The following UXS1 variants were observed in gnomAD, a reference collection of about 807,000 sequenced individuals.
UXS1 encodes UDP-glucuronic acid decarboxylase 1.
Under a neutral mutation model 62.6 loss-of-function variants are expected in UXS1, and 33 were observed. That is an observed-to-expected ratio of 0.53 (90% confidence interval 0.40 to 0.70). UXS1 has a LOEUF of 0.70. Ranked by LOEUF, UXS1 falls within the 30% of genes least tolerant of loss-of-function variation. The probability of loss-of-function intolerance (pLI) is 0.00; values close to 1 mark genes in which losing one functional copy is unlikely to be tolerated. For synonymous variants in UXS1, 213 were observed against 206.8 expected (o/e 1.03, Z -0.26); for missense variants, 434 against 556.3 (o/e 0.78, Z 2.21).
At chr2:106,099,149 C>T (rs1677376835) in intron 12 of UXS1, among the ~76,000 whole-genome samples, 2 of 152,154 alleles carry the variant, frequency 1.3e-5, no homozygotes, top group South Asian at 4.1e-4. Flanking sequence ...TATCTATTCC[C>T]GTCTGGGTGA....
At chr2:106,140,337 T>C (rs1680999840) in intron 6 of UXS1, among the ~76,000 whole-genome samples, 1 of 152,302 alleles carries the variant, frequency 6.6e-6, no homozygotes, top group South Asian at 2.1e-4. Context: ...CAGAGGGCGA[T>C]CTCTAAGAGC....
intron 14 of UXS1, among the ~76,000 whole-genome samples, chr2:106,096,222 G>C (rs1166993149): frequency 1.3e-5 from 2 of 152,148 alleles, no homozygotes; most frequent in African/African-American, 2.4e-5. Flanking sequence ...GTGGGAGAGG[G>C]AGTGTATGTG....
At chr2:106,150,961 A>G (rs2105015724) in intron 5 of UXS1, among the ~76,000 whole-genome samples, 1 of 152,266 alleles carries the variant, frequency 6.6e-6, no homozygotes, top group Non-Finnish European at 1.5e-5. Flanking sequence ...GAGCATTACG[A>G]TTTGATCTTG....
At chr2:106,194,032 C>G (rs1476859459) in intron 1 of UXS1, 116 bp downstream of exon 1, 3 of 695,440 alleles carry the variant, frequency 4.3e-6, no homozygotes, top group African/African-American at 3.8e-5. Flanking sequence ...CCGCCCGGGG[C>G]GGGGAGCAAC....
In UXS1 at chr2:106,129,745, G is replaced by T. The variant is rs1375397322; in HGVS notation, c.506C>A (p.Ser169Tyr). 6.2e-7 allele frequency: 1 copy of T among 1,611,352 alleles called. No individual in the cohort carries two copies. The highest frequency in any genetic ancestry group is 8.5e-7 in the Non-Finnish European group (1 of 1,178,660). The part of the protein sequence containing the change: ...DQIYHLASPA[S>Y]PPNYMYNPIK... The stretch of plus-strand genomic sequence containing the variant: ...AGGATTATACATGTAGTTTGGAGGG[G>T]AGGCTGGAGATGCCAGATGGTATAT... The change falls in exon 7 of 15, where the codon TCC becomes TAC. Residue 169 changes from serine to tyrosine, a missense_variant. By Grantham distance (144) the Ser-to-Tyr change is moderately radical. Transcript: ENST00000283148.
intron 1 of UXS1, among the ~76,000 whole-genome samples, chr2:106,179,770 T>C (rs116161839): frequency 0.051 from 7,836 of 152,272 alleles, 311 homozygotes; most frequent in Non-Finnish European, 0.076. Flanking sequence ...TACCAATGAG[T>C]TCTGTGCAAC....
intron 5 of UXS1, among the ~76,000 whole-genome samples, chr2:106,151,256 G>C (rs746433732): frequency 5.9e-5 from 9 of 152,168 alleles, no homozygotes; most frequent in Non-Finnish European, 1.2e-4. Context: ...AATACATTTT[G>C]CATGTAAGAA....
At chr2:106,144,144 C>T (rs1483423850) in intron 6 of UXS1, among the ~76,000 whole-genome samples, 1 of 152,210 alleles carries the variant, frequency 6.6e-6, no homozygotes, top group Non-Finnish European at 1.5e-5. Context: ...GTTAACCCCA[C>T]AGCAATCCCA....
chr2:106,167,977 C>T (rs939611611), intron 1 of UXS1, among the ~76,000 whole-genome samples: 1 of 152,258 alleles, frequency 6.6e-6, no homozygotes, highest in East Asian at 1.9e-4. Flanking sequence ...GCCTAACCAA[C>T]ATGGTGAAAC....
intron 1 of UXS1, chr2:106,183,484 CTTAT>C (rs1168379976): frequency 3.9e-5 from 6 of 152,196 alleles, no homozygotes; most frequent in African/African-American, 1.4e-4. Context: ...CTTTACTTCA[CTTAT>C]TTATTTTGGT....
chr2:106,105,729 C>A (rs1248564906), intron 10 of UXS1, among the ~76,000 whole-genome samples: 9 of 152,228 alleles, frequency 5.9e-5, no homozygotes. Context: ...TGCGGAGCGC[C>A]ACGGATCACG....
chr2:106,115,906 G>A (rs1037717655), intron 9 of UXS1, among the ~76,000 whole-genome samples: 5 of 152,226 alleles, frequency 3.3e-5, no homozygotes, highest in Non-Finnish European at 7.3e-5. Flanking sequence ...CAGTGACCAC[G>A]TGTGGAATAG....
chr2:106,119,234 T>C (rs557426290), intron 9 of UXS1, among the ~76,000 whole-genome samples: 17 of 152,294 alleles, frequency 1.1e-4, no homozygotes, highest in African/African-American at 4.1e-4. Flanking sequence ...CTTGGCGCCT[T>C]TGGACTTGGA....
intron 9 of UXS1, among the ~76,000 whole-genome samples, chr2:106,117,181 G>C (rs573083300): frequency 7.2e-4 from 110 of 152,344 alleles, no homozygotes; most frequent in African/African-American, 2.5e-3. Context: ...CCCTGTGAGA[G>C]GTTGGCATAC....
Position 106,163,654 on chromosome 2 carries a change from A to AAAGTACACAT in UXS1, c.230+3_230+12dup. The AAAGTACACAT allele has an allele frequency of 6.8e-7, 1 of 1,463,974 alleles. No homozygotes were observed. The highest frequency in any genetic ancestry group is 9.1e-7 in the Non-Finnish European group (1 of 1,100,818). 90.7% of individuals were successfully genotyped at this position (1,463,974 alleles called of 1,614,324 possible). On this transcript the variant is annotated intron_variant, in intron 4 of 14. Coordinates refer to ENST00000283148, the MANE Select transcript of UXS1 (RefSeq NM_001253875.2). ...ATTTTAACTATTGACTTTAAGACAAAAAGTACACATACCTTTTTTCTAAAT... is the reference window on the plus strand; with the variant it reads ...ATTTTAACTATTGACTTTAAGACAAAAAGTACACATAAGTACACATACCTTTTTTCTAAAT...
intron 5 of UXS1, among the ~76,000 whole-genome samples, chr2:106,145,806 GA>G (rs895788876): frequency 1.5e-4 from 22 of 151,104 alleles, no homozygotes; most frequent in African/African-American, 5.1e-4. Flanking sequence ...GAACTACCAA[GA>G]AAAAAAAACT....
intron 1 of UXS1, among the ~76,000 whole-genome samples, chr2:106,179,184 C>T (rs543741682): frequency 8.2e-4 from 125 of 152,272 alleles, no homozygotes; most frequent in African/African-American, 2.1e-3. Flanking sequence ...AGGCTCCCTG[C>T]TCATGTTCCT....
At chr2:106,182,208 T>A (rs1684289352) in intron 1 of UXS1, among the ~76,000 whole-genome samples, 1 of 152,162 alleles carries the variant, frequency 6.6e-6, no homozygotes, top group Non-Finnish European at 1.5e-5. Flanking sequence ...AAAATAATTG[T>A]CTTGGGCCAC....
chr2:106,168,942 A>G (rs1683373789), intron 1 of UXS1, among the ~76,000 whole-genome samples: 1 of 152,252 alleles, frequency 6.6e-6, no homozygotes, highest in Non-Finnish European at 1.5e-5. Flanking sequence ...TGACATGAGT[A>G]ACTGTTTAAT....
Sources: allele counts gnomAD v4.1 joint callset (sites outside exome capture counted in the v4.1 genomes callset), GRCh38; gene constraint gnomAD v4.1.1; transcripts MANE v1.5; gene names NCBI Gene and HGNC (gene_info 2026-07-23, HGNC 2026-07-21).